The following JMJD4 variants were observed in gnomAD, a reference collection of about 807,000 sequenced individuals.
The protein encoded by JMJD4 is 2-oxoglutarate and iron-dependent oxygenase JMJD4.
A neutral mutation model predicts 36.3 loss-of-function variants in JMJD4; 34 were observed. The observed-to-expected ratio is 0.94, with a 90% CI of 0.71 to 1.25. The LOEUF is 1.25. Among genes scored for constraint, JMJD4 ranks in the 50% most tolerant of loss-of-function variants. The pLI is 0.00. For synonymous variants in JMJD4, 269 were observed against 235.3 expected (o/e 1.14, Z -1.31); for missense variants, 584 against 559.1 (o/e 1.04, Z -0.45).
chr1:227,735,162 C>A lies in JMJD4; in HGVS notation c.112G>T (p.Ala38Ser), dbSNP rs763102204. 1.2e-5 allele frequency: 19 copies of A among 1,579,442 alleles called. No homozygotes were observed. The highest frequency in any genetic ancestry group is 1.5e-5 in the Non-Finnish European group (18 of 1,163,498). Reference protein sequence around the residue: ...GRVAFVSEPGAFSYADFVRGF... With the variant: ...GRVAFVSEPGSFSYADFVRGF... Reference sequence around the variant, plus strand: ...CGCACAAAGTCGGCGTAGGAGAAGGCGCCCGGCTCCGAGACGAAGGCTACC... The same window carrying A: ...CGCACAAAGTCGGCGTAGGAGAAGGAGCCCGGCTCCGAGACGAAGGCTACC... Residue 38 changes from alanine (A) to serine (S), a missense_variant, in exon 1 of 6, where the codon GCC becomes TCC. Physicochemically the swap from Ala to Ser is moderately conservative, Grantham distance 99. Coordinates refer to ENST00000620518, the MANE Select transcript of JMJD4 (RefSeq NM_023007.3).
Position 227,734,641 on chromosome 1 carries a change from GC to G in JMJD4, c.428+9del. The G allele has an allele frequency of 6.2e-7, 1 of 1,613,578 alleles. No homozygotes were observed. Among genetic ancestry groups the G allele is most frequent in the Non-Finnish European group, 8.5e-7 (1 of 1,179,812 alleles). The stretch of plus-strand genomic sequence containing the variant: ...AAGGCAGCGCCTCGGTGCGTCCCAA[GC>G]CCCATTACCTGCACAAGTGCCAGTC... On this transcript the variant is annotated intron_variant, in intron 2 of 5. Coordinates refer to ENST00000620518, the MANE Select transcript of JMJD4 (RefSeq NM_023007.3).
chr1:227,732,671 G>T lies in JMJD4; in HGVS notation c.975C>A (p.Ile325=), dbSNP rs909307239. 6.2e-7 allele frequency: 1 copy of T among 1,612,540 alleles called. No individual in the cohort carries two copies. The highest frequency in any genetic ancestry group is 1.3e-5 in the African/African-American group (1 of 75,072). Residue 325 remains isoleucine, a synonymous_variant, in exon 6 of 6, where the codon ATC becomes ATA. Transcript: ENST00000620518. ...MPDWHHHCQV[I]MRSCSGINFE... ...AGTTGATGCCCGAGCAGGACCTCATGATGACCTGGGCAGAGGGAAGAGGCC... is the reference window on the plus strand; with the variant it reads ...AGTTGATGCCCGAGCAGGACCTCATTATGACCTGGGCAGAGGGAAGAGGCC...
chr1:227,732,225 G>A lies in JMJD4; in HGVS notation c.*167C>T. The A allele has an allele frequency of 1.3e-6, 1 of 741,032 alleles. No individual in the cohort carries two copies. Among genetic ancestry groups the A allele is most frequent in the South Asian group, 1.8e-5 (1 of 56,330 alleles). The allele number at this position is 741,032 out of a possible 1,614,324, so 45.9% of individuals were successfully genotyped here. ...CCATCTTGGGTCCCTGACCTCATTGGGCCTCACCTGAAAACAGGCACCCAG... is the reference window on the plus strand; with the variant it reads ...CCATCTTGGGTCCCTGACCTCATTGAGCCTCACCTGAAAACAGGCACCCAG... On this transcript the variant is annotated 3_prime_UTR_variant, in exon 6 of 6. Coordinates refer to ENST00000620518, the MANE Select transcript of JMJD4 (RefSeq NM_023007.3).
At chr1:227,734,230 T>C (rs1660895673) in intron 2 of JMJD4, 198 bp from the exon 3 acceptor site, 1 of 613,692 alleles carries the variant, frequency 1.6e-6, no homozygotes, top group Admixed American at 3.1e-5. Flanking sequence ...ACAATGGTTC[T>C]GCTTATTAGA....
In JMJD4 at chr1:227,733,664, T is replaced by C; in HGVS notation, c.572A>G (p.Asp191Gly). ...AGACCAGCTGAAGGAGCGGAAGATG[T>C]CAGCATGGAACGGGGACCTGCGGCA... ...PAGSWSPFHA[D>G]IFRSFSWSVN... The change falls in exon 4 of 6, where the codon GAC (aspartate) becomes GGC (glycine). Residue 191 changes from aspartate (D) to glycine (G), a missense_variant. Transcript: ENST00000620518. 1 of 1,601,532 alleles carries C rather than the reference T, an allele frequency of 6.2e-7. No individual in the cohort carries two copies.
rs1182538423 is a variant in JMJD4, at chr1:227,732,179, G to T, written c.*213C>A. On this transcript the variant is annotated 3_prime_UTR_variant, in exon 6 of 6. Coordinates refer to ENST00000620518, the MANE Select transcript of JMJD4 (RefSeq NM_023007.3). ...TCTCCGAGCTCCCAGCAGGCCTGCT[G>T]CAGGTCAGAAGGGCCACATCCCATC... The T allele has an allele frequency of 1.6e-6, 1 of 609,114 alleles. No homozygotes were observed. Among genetic ancestry groups the T allele is most frequent in the Non-Finnish European group, 2.9e-6 (1 of 344,312 alleles). 37.7% of individuals were successfully genotyped at this position (609,114 alleles called of 1,614,324 possible).
At position 227,733,533 on chromosome 1, in the gene JMJD4, G is replaced by C. The variant is rs747508812; in HGVS notation, c.703C>G (p.Leu235Val). ...CGTGGGTGCAGGTGTGTGTCGCAGA[G>C]TGCTGGGGAGGTCACGTCGTAGGGC... The part of the protein sequence containing the change: ...NLPYDVTSPA[L>V]CDTHLHPRNQ... The change falls in exon 4 of 6, where the codon CTC becomes GTC. Residue 235 changes from leucine (L) to valine (V), a missense_variant. Coordinates refer to ENST00000620518, the MANE Select transcript of JMJD4 (RefSeq NM_023007.3). 1 of 1,606,952 alleles carries C rather than the reference G, an allele frequency of 6.2e-7. No individual in the cohort carries two copies. The highest frequency in any genetic ancestry group is 1.1e-5 in the South Asian group (1 of 90,660).
rs762822981 is a variant in JMJD4 at position 227,732,596 on chromosome 1, C to G, written c.1050G>C (p.Leu350=). 1.9e-6 allele frequency: 3 copies of G among 1,613,392 alleles called. No homozygotes were observed. The highest frequency in any genetic ancestry group is 1.3e-5 in the African/African-American group (1 of 74,942). Residue 350 remains leucine (L), a synonymous_variant, in exon 6 of 6, where the codon CTG becomes CTC. Transcript: ENST00000620518. ...FLKVIAEKRL[L]VLREAAAEDG... Reference sequence around the variant, plus strand: ...CCTCAGCGGCTGCCTCCCTCAGGACCAGGAGCCTCTTCTCAGCGATGACCT... The same window carrying G: ...CCTCAGCGGCTGCCTCCCTCAGGACGAGGAGCCTCTTCTCAGCGATGACCT...
intron 2 of JMJD4, 94 bp from the exon 3 acceptor site, chr1:227,734,126 G>T: frequency 7.0e-7 from 1 of 1,421,322 alleles, no homozygotes; most frequent in Non-Finnish European, 9.5e-7. Flanking sequence ...ATCGGCTCCA[G>T]TGGAGCTTCC....
chr1:227,734,591 C>T, intron 2 of JMJD4, 60 bp downstream of exon 2: 1 of 1,563,872 alleles, frequency 6.4e-7, no homozygotes. Context: ...ATCAGAAAGG[C>T]CTCTGGGTTC....
Position 227,732,984 on chromosome 1 carries a change from T to A in JMJD4, c.866A>T (p.Asn289Ile). ...CAAGAAGCGCCACATGTTGGCCAGGTTGAAGCCATTGACCCAGTTGTGGTT... is the reference window on the plus strand; with the variant it reads ...CAAGAAGCGCCACATGTTGGCCAGGATGAAGCCATTGACCCAGTTGTGGTT... ...SINHNWVNGF[N>I]LANMWRFLQQ... The change falls in exon 5 of 6, where the codon AAC becomes ATC. Residue 289 changes from asparagine (N) to isoleucine (I), a missense_variant. By Grantham distance (149) the Asn-to-Ile change is moderately radical. Coordinates refer to ENST00000620518, the MANE Select transcript of JMJD4 (RefSeq NM_023007.3). The A allele has an allele frequency of 1.2e-6, 2 of 1,613,446 alleles. No individual in the cohort carries two copies. Among genetic ancestry groups the A allele is most frequent in the East Asian group, 4.5e-5 (2 of 44,872 alleles).
Position 227,734,767 on chromosome 1 carries a change from C to T in JMJD4, c.312G>A (p.Ser104=). 1 of 1,614,140 alleles carries T rather than the reference C, an allele frequency of 6.2e-7. No individual in the cohort carries two copies. Among genetic ancestry groups the T allele is most frequent in the Non-Finnish European group, 8.5e-7 (1 of 1,180,028 alleles). ...TGAGAGTCATGTGCTCTTTGGGGTT[C>T]GAGTTGTATTCCTGGACCCCACAGT... is the stretch of plus-strand genomic sequence containing the variant. ...VANCGVQEYN[S]NPKEHMTLRD... is the part of the protein sequence containing the mutation. The change falls in exon 2 of 6, where the codon TCG becomes TCA. Residue 104 remains serine (S), a synonymous_variant. Coordinates refer to ENST00000620518, the MANE Select transcript of JMJD4 (RefSeq NM_023007.3).
intron 3 of JMJD4, 86 bp downstream of exon 3, chr1:227,733,821 G>A (rs1660849159): frequency 6.3e-7 from 1 of 1,590,858 alleles, no homozygotes; most frequent in Admixed American, 1.7e-5. Context: ...CCTGTGCCAA[G>A]CAGCCCCCCT....
At chr1:227,734,060 G>T in intron 2 of JMJD4, 28 bp from the exon 3 acceptor site, 1 of 1,606,052 alleles carries the variant, frequency 6.2e-7, no homozygotes. Context: ...GGGCACCACC[G>T]ACAGCACGTG....
At chr1:227,732,750 C>T in intron 5 of JMJD4, 74 bp from the exon 6 acceptor site, 3 of 1,592,986 alleles carry the variant, frequency 1.9e-6, no homozygotes, top group Non-Finnish European at 2.6e-6. Context: ...GACATGCGCC[C>T]AGTCCCCAAG....
intron 5 of JMJD4, 81 bp from the exon 6 acceptor site, chr1:227,732,757 C>T (rs1210302981): frequency 5.0e-6 from 8 of 1,590,972 alleles, no homozygotes; most frequent in African/African-American, 1.3e-5. Flanking sequence ...GCCCAGTCCC[C>T]AAGGACGAAG....
Position 227,735,132 on chromosome 1 carries a change from A to G in JMJD4, c.142T>C (p.Phe48Leu), listed in dbSNP as rs1660997155. Residue 48 changes from phenylalanine (F) to leucine (L), a missense_variant, in exon 1 of 6, where the codon TTC becomes CTC. Phe to Leu is a conservative substitution (Grantham distance 22). Transcript: ENST00000620518. ...AFSYADFVRG[F>L]LLPNLPCVFS... ...ACGCAGGGCAGGTTGGGCAGCAAGA[A>G]GCCCCGCACAAAGTCGGCGTAGGAG... is the stretch of plus-strand genomic sequence containing the variant. 6.3e-7 allele frequency: 1 copy of G among 1,580,374 alleles called. No homozygotes were observed. Among genetic ancestry groups the G allele is most frequent in the Admixed American group, 1.8e-5 (1 of 55,114 alleles).
Position 227,733,814 on chromosome 1 carries a change from G to A in JMJD4, c.554+93C>T. On this transcript the variant is annotated intron_variant, in intron 3 of 5. Coordinates refer to ENST00000620518, the MANE Select transcript of JMJD4 (RefSeq NM_023007.3). ...AGGGATGGCACCCACTGTGAGGCCT[G>A]TGCCAAGCAGCCCCCCTCCTGCCAC... 12 of 1,588,734 alleles carry A rather than the reference G, an allele frequency of 7.6e-6. No homozygotes were observed. In the South Asian group the frequency reaches 1.2e-4, roughly 16 times the overall value.
rs778490477 is a variant in JMJD4, at chr1:227,735,137, C to G, written c.137G>C (p.Arg46Pro). 5 of 1,580,952 alleles carry G rather than the reference C, an allele frequency of 3.2e-6. No homozygotes were observed. Among genetic ancestry groups the G allele is most frequent in the Admixed American group, 3.6e-5 (2 of 55,226 alleles). ...GGGCAGGTTGGGCAGCAAGAAGCCC[C>G]GCACAAAGTCGGCGTAGGAGAAGGC... ...PGAFSYADFV[R>P]GFLLPNLPCV... The change falls in exon 1 of 6, where the codon CGG (arginine) becomes CCG (proline). Residue 46 changes from arginine to proline, a missense_variant. Coordinates refer to ENST00000620518, the MANE Select transcript of JMJD4 (RefSeq NM_023007.3).
Sources: gnomAD v4.1 joint callset for allele counts on GRCh38, gnomAD v4.1.1 for gene constraint, MANE v1.5 for transcripts, NCBI Gene and HGNC (gene_info 2026-07-23, HGNC 2026-07-21) for gene names.